Variants in CDH18 observed in about 807,000 individuals in gnomAD.
The protein encoded by CDH18 is cadherin-18.
A neutral mutation model predicts 67.9 loss-of-function variants in CDH18; 31 were observed. That is an observed-to-expected ratio of 0.46 (90% confidence interval 0.34 to 0.62). CDH18 has a LOEUF of 0.62. CDH18 is among the 20% of genes least tolerant of loss of function. The pLI is 0.01. For missense variants in CDH18, 890 were observed against 975.5 expected (o/e 0.91, Z 1.17); for synonymous variants, 362 against 347.2 (o/e 1.04, Z -0.48).
intron 1 of CDH18, among the ~76,000 whole-genome samples, chr5:20,556,375 G>A (rs546417438): frequency 2.0e-5 from 3 of 152,256 alleles, no homozygotes; most frequent in African/African-American, 7.2e-5. Context: ...GATGCCCAGA[G>A]TCAATCACTT....
chr5:19,543,061 A>G (rs1750526930), intron 9 of CDH18, among the ~76,000 whole-genome samples: 2 of 152,172 alleles, frequency 1.3e-5, no homozygotes, highest in South Asian at 4.1e-4. Flanking sequence ...TTTCATGAAT[A>G]CATCAAAACA....
chr5:20,064,707 T>C (rs1742816829), intron 2 of CDH18, among the ~76,000 whole-genome samples: 1 of 152,034 alleles, frequency 6.6e-6, no homozygotes, highest in African/African-American at 2.4e-5. Flanking sequence ...CGATTCTCGG[T>C]TTTCAACAGA....
intron 3 of CDH18, among the ~76,000 whole-genome samples, chr5:19,768,155 C>A (rs1773320425): frequency 6.6e-6 from 1 of 152,110 alleles, no homozygotes; most frequent in Admixed American, 6.6e-5. Context: ...AGACCCCACT[C>A]TCAAGTTTGT....
intron 1 of CDH18, among the ~76,000 whole-genome samples, chr5:19,986,508 T>C (rs1799578982): frequency 6.6e-6 from 1 of 152,200 alleles, no homozygotes; most frequent in Non-Finnish European, 1.5e-5. Flanking sequence ...GTTTGGTTGG[T>C]TTTTTAAGTT....
At chr5:20,500,064 C>T (rs775773150) in intron 1 of CDH18, among the ~76,000 whole-genome samples, 3 of 151,902 alleles carry the variant, frequency 2.0e-5, no homozygotes, top group East Asian at 3.9e-4. Context: ...AGGCTTATAC[C>T]GGCCTTAAAC....
intron 2 of CDH18, among the ~76,000 whole-genome samples, chr5:19,947,679 C>G (rs561448670): frequency 6.7e-6 from 1 of 149,400 alleles, no homozygotes; most frequent in Non-Finnish European, 1.5e-5. Context: ...AGAACAATTG[C>G]TTGAACCTGG....
chr5:20,235,046 CA>C lies in CDH18; in HGVS notation c.-518+20397del, dbSNP rs1251586857. On this transcript the variant is annotated intron_variant, in intron 2 of 14. Coordinates refer to the CDH18 transcript ENST00000507958. ...AATTTAAAAAATAGAATAAAGATAA[CA>C]TATTAAAAACAGTTGGATGGCTATC... Among the ~76,000 whole-genome samples the C allele has an allele frequency of 3.3e-5, 5 of 152,078 alleles. No individual in the cohort carries two copies. In the East Asian group the frequency reaches 9.7e-4, roughly 29 times the overall value.
intron 1 of CDH18, among the ~76,000 whole-genome samples, chr5:20,554,925 G>T (rs1343374553): frequency 6.6e-6 from 1 of 152,064 alleles, no homozygotes; most frequent in Non-Finnish European, 1.5e-5. Flanking sequence ...GATATGTGAG[G>T]ATATCTCTCA....
At chr5:20,207,512 C>A (rs1739995947) in intron 2 of CDH18, among the ~76,000 whole-genome samples, 1 of 151,932 alleles carries the variant, frequency 6.6e-6, no homozygotes, top group Non-Finnish European at 1.5e-5. Flanking sequence ...AAGAAGCTCA[C>A]AATCATGGTG....
intron 7 of CDH18, among the ~76,000 whole-genome samples, chr5:19,574,263 A>G (rs1485137315): frequency 1.3e-5 from 2 of 152,180 alleles, no homozygotes; most frequent in Non-Finnish European, 2.9e-5. Context: ...TTCTGTGGAC[A>G]TATGGTTTCA....
intron 4 of CDH18, among the ~76,000 whole-genome samples, chr5:19,732,544 T>C (rs951529910): frequency 6.6e-6 from 1 of 152,146 alleles, no homozygotes; most frequent in Non-Finnish European, 1.5e-5. Flanking sequence ...GTGACACAGC[T>C]ATGTCATCAA....
At chr5:19,715,151 T>C (rs996183714) in intron 5 of CDH18, among the ~76,000 whole-genome samples, 3 of 152,112 alleles carry the variant, frequency 2.0e-5, no homozygotes, top group Admixed American at 6.6e-5. Flanking sequence ...TTTAAGCATA[T>C]AGAGAAATCA....
intron 2 of CDH18, among the ~76,000 whole-genome samples, chr5:20,032,649 T>C (rs975701310): frequency 1.3e-5 from 2 of 152,026 alleles, no homozygotes; most frequent in Non-Finnish European, 2.9e-5. Context: ...TCTAGTGACA[T>C]ATGATTTATC....
At chr5:20,269,785 G>A (rs1034896129) in intron 1 of CDH18, among the ~76,000 whole-genome samples, 9 of 152,054 alleles carry the variant, frequency 5.9e-5, no homozygotes, top group African/African-American at 1.7e-4. Context: ...ACATTATCCA[G>A]GTGACAGATA....
chr5:20,149,270 T>G (rs1337135063), intron 2 of CDH18, among the ~76,000 whole-genome samples: 2 of 152,180 alleles, frequency 1.3e-5, no homozygotes, highest in Non-Finnish European at 2.9e-5. Context: ...TAAATACAGT[T>G]CTCAATGGGG....
intron 2 of CDH18, among the ~76,000 whole-genome samples, chr5:20,024,476 T>C (rs898710943): frequency 2.0e-5 from 3 of 152,166 alleles, no homozygotes; most frequent in Admixed American, 1.3e-4. Context: ...GGGAGTGATA[T>C]TCAGCACATT....
At chr5:20,537,239 G>A (rs1756775748) in intron 1 of CDH18, among the ~76,000 whole-genome samples, 1 of 152,088 alleles carries the variant, frequency 6.6e-6, no homozygotes, top group Non-Finnish European at 1.5e-5. Flanking sequence ...ATAAGGTAAT[G>A]AGAAGCGAAA....
At chr5:20,396,431 A>G (rs917548896) in intron 1 of CDH18, among the ~76,000 whole-genome samples, 22 of 151,994 alleles carry the variant, frequency 1.4e-4, no homozygotes, top group Non-Finnish European at 5.9e-5. Context: ...CACTTTCCAC[A>G]TATAATTTTT....
chr5:19,722,887 T>C (rs1766295054), intron 4 of CDH18, among the ~76,000 whole-genome samples: 2 of 152,146 alleles, frequency 1.3e-5, no homozygotes, highest in Non-Finnish European at 1.5e-5. Flanking sequence ...TTTTTTATTT[T>C]AGTAATTATG....
Sources: gnomAD v4.1 joint callset for allele counts (sites outside exome capture counted in the v4.1 genomes callset) on GRCh38, gnomAD v4.1.1 for gene constraint, MANE v1.5 for transcripts, NCBI Gene and HGNC (gene_info 2026-07-23, HGNC 2026-07-21) for gene names.